MALRD1: variants seen among roughly 807,000 people sequenced by gnomAD.
The protein encoded by MALRD1 is MAM and LDL-receptor class A domain-containing protein 1.
Under a neutral mutation model 242.1 loss-of-function variants are expected in MALRD1, and 247 were observed. The ratio of observed to expected loss-of-function variants is 1.02; its 90% confidence interval spans 0.92 to 1.13. MALRD1 has a LOEUF of 1.13. MALRD1 is among the 50% of genes most tolerant of loss of function. The pLI is 0.00. For synonymous variants in MALRD1, 995 were observed against 866.6 expected (o/e 1.15, Z -2.60); for missense variants, 2,989 against 2,533.1 (o/e 1.18, Z -3.86).
At chr10:19,233,874 A>T (rs1838189233) in intron 18 of MALRD1, among the ~76,000 whole-genome samples, 1 of 151,472 alleles carries the variant, frequency 6.6e-6, no homozygotes, top group African/African-American at 2.4e-5. Context: ...GGAGTGTTGC[A>T]TTTGTATAAG....
At chr10:19,201,307 G>A (rs931666108) in intron 14 of MALRD1, among the ~76,000 whole-genome samples, 2 of 152,130 alleles carry the variant, frequency 1.3e-5, no homozygotes, top group African/African-American at 4.8e-5. Flanking sequence ...AAGCACATCT[G>A]AATTTTAACA....
intron 25 of MALRD1, among the ~76,000 whole-genome samples, chr10:19,349,862 G>A (rs1160991115): frequency 1.3e-5 from 2 of 151,880 alleles, no homozygotes; most frequent in Non-Finnish European, 2.9e-5. Context: ...TTTTCATACT[G>A]TAGTAACTAA....
chr10:19,431,827 C>T (rs1235737416), intron 28 of MALRD1, among the ~76,000 whole-genome samples: 1 of 152,078 alleles, frequency 6.6e-6, no homozygotes, highest in Admixed American at 6.6e-5. Flanking sequence ...GAATGGTTAT[C>T]AACCTTCATG....
intron 32 of MALRD1, among the ~76,000 whole-genome samples, chr10:19,554,710 A>G (rs968279672): frequency 1.3e-5 from 2 of 152,162 alleles, no homozygotes; most frequent in African/African-American, 4.8e-5. Flanking sequence ...ATGTCCCTGC[A>G]AAGGACATGA....
chr10:19,604,611 T>C (rs904376092), intron 34 of MALRD1, among the ~76,000 whole-genome samples: 4 of 152,144 alleles, frequency 2.6e-5, no homozygotes, highest in Non-Finnish European at 5.9e-5. Flanking sequence ...GCTAAAATCA[T>C]TGATGAATGT....
At chr10:19,276,758 A>G (rs991055093) in intron 19 of MALRD1, among the ~76,000 whole-genome samples, 1 of 152,158 alleles carries the variant, frequency 6.6e-6, no homozygotes, top group Non-Finnish European at 1.5e-5. Context: ...TGTTTGTTCA[A>G]TGAGTTAGAC....
At chr10:19,142,171 C>CAAAAAAAAAAAAAAAAAAAAA (rs529000033) in intron 10 of MALRD1, among the ~76,000 whole-genome samples, 1 of 26,276 alleles carries the variant, frequency 3.8e-5, no homozygotes, top group African/African-American at 1.7e-4. Context: ...GACTCTAACT[C>CAAAAAAAAAAAAAAAAAAAAA]AAAAAAAAAA....
intron 18 of MALRD1, among the ~76,000 whole-genome samples, chr10:19,229,593 G>A (rs116504607): frequency 0.016 from 2,435 of 152,046 alleles, 62 homozygotes; most frequent in African/African-American, 0.056. Context: ...TCGTTTAGTC[G>A]CTTCCACCCA....
At chr10:19,283,412 A>G (rs1840921037) in intron 21 of MALRD1, among the ~76,000 whole-genome samples, 1 of 152,138 alleles carries the variant, frequency 6.6e-6, no homozygotes, top group Admixed American at 6.6e-5. Context: ...AAGTGAACAA[A>G]ATAATTTAAT....
intron 14 of MALRD1, among the ~76,000 whole-genome samples, chr10:19,201,871 A>C (rs1382235919): frequency 1.1e-4 from 17 of 152,142 alleles, no homozygotes; most frequent in Admixed American, 6.5e-4. Flanking sequence ...GCTGGAGTGC[A>C]GTGGCAGGAT....
chr10:19,115,630 A>G (rs1836844738), intron 5 of MALRD1, among the ~76,000 whole-genome samples: 1 of 151,688 alleles, frequency 6.6e-6, no homozygotes, highest in Non-Finnish European at 1.5e-5. Context: ...TTTACCATAT[A>G]TGTTTCTCTT....
intron 19 of MALRD1, among the ~76,000 whole-genome samples, chr10:19,278,470 C>CATCT (rs1179645275): frequency 3.3e-5 from 5 of 151,984 alleles, no homozygotes; most frequent in African/African-American, 9.7e-5. Context: ...TCCATCCATC[C>CATCT]ATCCATCCAT....
intron 33 of MALRD1, among the ~76,000 whole-genome samples, chr10:19,589,232 C>T (rs1389909733): frequency 4.6e-5 from 7 of 151,898 alleles, no homozygotes; most frequent in Non-Finnish European, 1.0e-4. Flanking sequence ...ATAGATAGCT[C>T]AATACCAACA....
chr10:19,248,416 C>T (rs1395058948), intron 18 of MALRD1, among the ~76,000 whole-genome samples: 1 of 150,162 alleles, frequency 6.7e-6, no homozygotes, highest in Middle Eastern at 3.3e-3. Flanking sequence ...AAGTGTGACA[C>T]ATGTAGAAAA....
At chr10:19,424,854 G>A (rs925567036) in intron 28 of MALRD1, among the ~76,000 whole-genome samples, 6 of 151,832 alleles carry the variant, frequency 4.0e-5, no homozygotes, top group Non-Finnish European at 7.4e-5. Flanking sequence ...TTAATATCAG[G>A]CACTAGAAAA....
At chr10:19,047,213 A>G (rs1029839566), upstream of MALRD1, among the ~76,000 whole-genome samples, 6 of 152,170 alleles carry the variant, frequency 3.9e-5, no homozygotes, top group African/African-American at 1.4e-4. Context: ...TAGTCCAGGA[A>G]CAATCTACAG....
At chr10:19,123,439 G>C in intron 5 of MALRD1, 53 bp from the exon 6 acceptor site, 1 of 1,041,150 alleles carries the variant, frequency 9.6e-7, no homozygotes, top group South Asian at 4.8e-5. Flanking sequence ...AAATACTTGA[G>C]TCTTTCCAGT....
At chr10:19,415,876 T>C (rs1833497734) in intron 28 of MALRD1, among the ~76,000 whole-genome samples, 1 of 152,206 alleles carries the variant, frequency 6.6e-6, no homozygotes, top group African/African-American at 2.4e-5. Context: ...GTTTTCTGTG[T>C]TGTTCACACG....
At chr10:19,053,685 T>C (rs1834575938) in intron 1 of MALRD1, among the ~76,000 whole-genome samples, 1 of 152,184 alleles carries the variant, frequency 6.6e-6, no homozygotes, top group Non-Finnish European at 1.5e-5. Context: ...TTAATCTTTT[T>C]CTTGGGGAAA....
Sources: allele counts gnomAD v4.1 joint callset (sites outside exome capture counted in the v4.1 genomes callset), GRCh38; gene constraint gnomAD v4.1.1; transcripts MANE v1.5; gene names NCBI Gene and HGNC (gene_info 2026-07-23, HGNC 2026-07-21).